Variants in PTK2 observed in about 807,000 individuals in gnomAD.
PTK2 encodes focal adhesion kinase 1.
PTK2 carries 45 observed loss-of-function variants against 150.1 expected under a neutral mutation model. The ratio of observed to expected loss-of-function variants is 0.30; its 90% CI spans 0.24 to 0.38. The LOEUF (loss-of-function observed/expected upper bound fraction) is 0.38, where lower values mean the gene tolerates loss of function less well. Among genes scored for constraint, PTK2 ranks in the 10% least tolerant of loss-of-function variants. The pLI is 1.00. For synonymous variants in PTK2, 432 were observed against 449.2 expected (o/e 0.96, Z 0.48); for missense variants, 919 against 1,307.3 (o/e 0.70, Z 4.58).
chr8:140,918,586 T>C (rs1321181028), intron 2 of PTK2, among the ~76,000 whole-genome samples: 1 of 152,196 alleles, frequency 6.6e-6, no homozygotes, highest in Non-Finnish European at 1.5e-5. Context: ...AGGTGGATTC[T>C]TTACACCAAA....
intron 25 of PTK2, among the ~76,000 whole-genome samples, chr8:140,701,737 G>A (rs1044106785): frequency 1.3e-5 from 2 of 152,132 alleles, no homozygotes; most frequent in African/African-American, 4.8e-5. Context: ...ATGGACTAAA[G>A]ATTTTAGTAT....
At chr8:140,822,790 A>C (rs1297043035) in intron 8 of PTK2, among the ~76,000 whole-genome samples, 1 of 152,196 alleles carries the variant, frequency 6.6e-6, no homozygotes, top group Non-Finnish European at 1.5e-5. Context: ...GCTGAAACTC[A>C]ATGATGTGCT....
At chr8:140,978,461 G>A (rs1452123210) in intron 1 of PTK2, among the ~76,000 whole-genome samples, 1 of 152,190 alleles carries the variant, frequency 6.6e-6, no homozygotes, top group Non-Finnish European at 1.5e-5. Context: ...GATATGAACA[G>A]ACACTTCTCA....
intron 16 of PTK2, among the ~76,000 whole-genome samples, chr8:140,755,124 T>C (rs2100064876): frequency 6.6e-6 from 1 of 152,180 alleles, no homozygotes; most frequent in African/African-American, 2.4e-5. Context: ...AGAAAAAAGC[T>C]ATTCTAGGAT....
intron 8 of PTK2, among the ~76,000 whole-genome samples, chr8:140,828,127 C>T (rs10088621): frequency 0.58 from 87,293 of 150,378 alleles, 26,913 homozygotes; most frequent in African/African-American, 0.79. Context: ...GATCACGCCA[C>T]TGCACTCCAG....
chr8:140,890,375 G>T, intron 3 of PTK2, 168 bp downstream of exon 3: 1 of 534,974 alleles, frequency 1.9e-6, no homozygotes, highest in South Asian at 3.4e-5. Context: ...TAGAACGCTG[G>T]TCAGTCACAT....
At chr8:140,709,478 C>T (rs2100035596) in intron 23 of PTK2, among the ~76,000 whole-genome samples, 1 of 152,168 alleles carries the variant, frequency 6.6e-6, no homozygotes, top group Non-Finnish European at 1.5e-5. Flanking sequence ...CTGTTCTCTA[C>T]AAATCAGAGG....
intron 1 of PTK2, among the ~76,000 whole-genome samples, chr8:140,971,301 T>C (rs1296750086): frequency 6.6e-6 from 1 of 152,376 alleles, no homozygotes; most frequent in African/African-American, 2.4e-5. Flanking sequence ...GCAAGTACTA[T>C]GTAGAAAGTA....
intron 17 of PTK2, 83 bp downstream of exon 20, chr8:140,752,149 A>G (rs1593837744): frequency 2.5e-6 from 3 of 1,186,302 alleles, no homozygotes; most frequent in African/African-American, 1.5e-5. Flanking sequence ...TCAAAACACT[A>G]TTTTTCTTAT....
At chr8:140,744,836 CA>C (rs1469786166) in intron 18 of PTK2, 69 bp from the exon 22 acceptor site, 7 of 826,126 alleles carry the variant, frequency 8.5e-6, no homozygotes, top group Non-Finnish European at 1.1e-5. Context: ...AAATCAAAAG[CA>C]AAAAAGCTAC....
intron 1 of PTK2, among the ~76,000 whole-genome samples, chr8:140,972,577 T>A (rs2100187703): frequency 6.6e-6 from 1 of 152,232 alleles, no homozygotes; most frequent in South Asian, 2.1e-4. Flanking sequence ...AATTACTGTT[T>A]TTATATTTTG....
chr8:140,799,033 C>T (rs965532622), intron 12 of PTK2, among the ~76,000 whole-genome samples: 10 of 152,104 alleles, frequency 6.6e-5, no homozygotes, highest in Admixed American at 6.6e-4. Context: ...GTGTGATCAC[C>T]GTGGGAAAAC....
chr8:140,695,411 T>C (rs1564543110), intron 26 of PTK2, among the ~76,000 whole-genome samples: 1 of 149,834 alleles, frequency 6.7e-6, no homozygotes, highest in Non-Finnish European at 1.5e-5. Flanking sequence ...AAGGTGGTCC[T>C]ATTTTTTTTT....
intron 4 of PTK2, among the ~76,000 whole-genome samples, chr8:140,868,315 T>C (rs9324536): frequency 0.43 from 64,482 of 150,662 alleles, 15,378 homozygotes; most frequent in Non-Finnish European, 0.55. Context: ...AAATGTGGTG[T>C]GAACAGTCTG....
chr8:140,978,148 T>G (rs994256208), intron 1 of PTK2, among the ~76,000 whole-genome samples: 24 of 152,216 alleles, frequency 1.6e-4, no homozygotes, highest in Middle Eastern at 3.4e-3. Flanking sequence ...CCTAAAACCA[T>G]AAAAACCCTA....
At chr8:140,997,064 A>T (rs1300503042) in intron 1 of PTK2, among the ~76,000 whole-genome samples, 5 of 152,228 alleles carry the variant, frequency 3.3e-5, no homozygotes, top group Admixed American at 3.3e-4. Context: ...AGGAGTTTGG[A>T]AGAACTTGCT....
chr8:140,844,024 G>A (rs1190049565), intron 7 of PTK2, among the ~76,000 whole-genome samples: 1 of 152,110 alleles, frequency 6.6e-6, no homozygotes, highest in East Asian at 1.9e-4. Flanking sequence ...TCATGACCTT[G>A]ACAGTTTTGA....
chr8:140,925,969 A>G (rs948344577), intron 1 of PTK2, among the ~76,000 whole-genome samples: 2 of 152,240 alleles, frequency 1.3e-5, no homozygotes, highest in African/African-American at 2.4e-5. Flanking sequence ...GTACTTTAAA[A>G]ATGATGACTC....
intron 15 of PTK2, 82 bp from the exon 18 acceptor site, chr8:140,762,470 G>A (rs1186019631): frequency 1.0e-5 from 6 of 602,298 alleles, no homozygotes; most frequent in Non-Finnish European, 1.3e-5. Context: ...ACACAAACTT[G>A]AAGAGAATAT....
Sources: allele counts gnomAD v4.1 joint callset (sites outside exome capture counted in the v4.1 genomes callset), GRCh38; gene constraint gnomAD v4.1.1; transcripts MANE v1.5; gene names NCBI Gene and HGNC (gene_info 2026-07-23, HGNC 2026-07-21).